The following CNTN1 variants were observed in gnomAD, a reference collection of about 807,000 sequenced individuals.
The protein encoded by CNTN1 is contactin 1, also known as contactin-1.
In CNTN1, 38 loss-of-function variants were observed where a neutral mutation model predicts 126.4. The observed-to-expected ratio is 0.30, with a 90% CI of 0.23 to 0.39. CNTN1 has a LOEUF of 0.39. Among genes scored for constraint, CNTN1 ranks in the 10% least tolerant of loss-of-function variants. The pLI is 1.00. For synonymous variants in CNTN1, 413 were observed against 422.6 expected, an observed-to-expected ratio of 0.98 and a Z score of 0.28; for missense variants, 1,009 against 1,248.4, an observed-to-expected ratio of 0.81 and a Z score of 2.89.
intron 17 of CNTN1, among the ~76,000 whole-genome samples, chr12:40,994,246 T>C (rs1948160088): frequency 6.6e-6 from 1 of 152,110 alleles, no homozygotes; most frequent in Non-Finnish European, 1.5e-5. Context: ...AAGTATCCTT[T>C]CTCTCTGACG....
Position 40,706,290 on chromosome 12 carries a change from G to T in CNTN1, c.-77+13698G>T, listed in dbSNP as rs190597110. ...CCTCCCCTGATGCTTTAACCAGAGA[G>T]AAATCTTTGCCTGTGTCTTCACTGT... On this transcript the variant is annotated intron_variant, in intron 1 of 23. Coordinates refer to ENST00000551295, the MANE Select transcript of CNTN1 (RefSeq NM_001843.4). Among the ~76,000 whole-genome samples, 151 of 120,650 alleles carry T rather than the reference G, an allele frequency of 1.3e-3. 1 individual carries two copies. The highest frequency in any genetic ancestry group is 4.6e-3 in the African/African-American group (138 of 29,960). The allele number at this position is 120,650 out of a possible 152,430, so 79.2% of individuals were successfully genotyped here.
intron 1 of CNTN1, among the ~76,000 whole-genome samples, chr12:40,904,611 C>T (rs907964722): frequency 1.3e-5 from 2 of 151,694 alleles, no homozygotes; most frequent in African/African-American, 2.4e-5. Flanking sequence ...TGTATTTTTA[C>T]TAGTGATAGG....
intron 14 of CNTN1, among the ~76,000 whole-genome samples, chr12:40,957,529 T>C (rs1946933807): frequency 6.6e-6 from 1 of 151,232 alleles, no homozygotes; most frequent in South Asian, 2.1e-4. Flanking sequence ...CTTCATGCTA[T>C]TTGGTTTTCT....
intron 1 of CNTN1, among the ~76,000 whole-genome samples, chr12:40,821,061 T>A (rs967166895): frequency 1.3e-4 from 20 of 152,176 alleles, no homozygotes; most frequent in African/African-American, 4.6e-4. Flanking sequence ...TCTCAGAAGC[T>A]CAAAAGTTCT....
intron 15 of CNTN1, among the ~76,000 whole-genome samples, chr12:40,967,096 G>A (rs1415274310): frequency 3.3e-5 from 5 of 151,984 alleles, no homozygotes; most frequent in African/African-American, 1.2e-4. Flanking sequence ...GAACCCAGGG[G>A]GCGGAGGTTG....
At chr12:40,935,649 T>C (rs1946054586) in intron 9 of CNTN1, among the ~76,000 whole-genome samples, 2 of 152,018 alleles carry the variant, frequency 1.3e-5, no homozygotes. Flanking sequence ...ATTGCTAAGA[T>C]TGTATACAAA....
chr12:40,988,645 C>T (rs1948025291), intron 16 of CNTN1, among the ~76,000 whole-genome samples: 1 of 152,106 alleles, frequency 6.6e-6, no homozygotes, highest in Admixed American at 6.6e-5. Flanking sequence ...GCCTTAGGGC[C>T]TCAAGGCATT....
rs765149060 is a variant in CNTN1 at position 40,933,789 on chromosome 12, A to G, written c.896A>G (p.Asn299Ser). ...STSGAVLKIF[N>S]IQLEDEGIYE... ...TCTGGGGCTGTTCTTAAGATCTTCA[A>G]TATTCAGCTAGAAGATGAAGGCATC... The change falls in exon 9 of 24, where the codon AAT (asparagine) becomes AGT (serine). Residue 299 changes from asparagine (N) to serine (S), a missense_variant. Coordinates refer to ENST00000551295, the MANE Select transcript of CNTN1 (RefSeq NM_001843.4). The G allele has an allele frequency of 1.9e-6, 3 of 1,612,738 alleles. No individual in the cohort carries two copies. Among genetic ancestry groups the G allele is most frequent in the South Asian group, 1.1e-5 (1 of 91,066 alleles).
intron 1 of CNTN1, among the ~76,000 whole-genome samples, chr12:40,826,412 A>T (rs1337695335): frequency 1.3e-5 from 2 of 152,194 alleles, no homozygotes; most frequent in Admixed American, 6.5e-5. Context: ...TAGCTTGGTG[A>T]CAATACCTGC....
chr12:40,744,213 T>C (rs908581086), intron 1 of CNTN1, among the ~76,000 whole-genome samples: 5 of 151,792 alleles, frequency 3.3e-5, no homozygotes, highest in African/African-American at 9.7e-5. Flanking sequence ...GATGGGTTGA[T>C]AGGTGCAGCA....
At chr12:40,891,359 A>G (rs1944233208) in intron 1 of CNTN1, among the ~76,000 whole-genome samples, 1 of 152,086 alleles carries the variant, frequency 6.6e-6, no homozygotes, top group African/African-American at 2.4e-5. Flanking sequence ...GGAATTTTAA[A>G]TTTTAATGAA....
chr12:41,059,613 G>A (rs915391742), intron 23 of CNTN1, among the ~76,000 whole-genome samples: 5 of 152,138 alleles, frequency 3.3e-5, no homozygotes, highest in African/African-American at 9.7e-5. Context: ...TCCCTAATCT[G>A]TAAATACAAA....
chr12:40,820,940 T>C (rs1356917009), intron 1 of CNTN1, among the ~76,000 whole-genome samples: 1 of 152,234 alleles, frequency 6.6e-6, no homozygotes, highest in Non-Finnish European at 1.5e-5. Flanking sequence ...CAAGGATGTT[T>C]TTCTTGCCTT....
intron 1 of CNTN1, among the ~76,000 whole-genome samples, chr12:40,726,446 C>T (rs1942352553): frequency 6.6e-6 from 1 of 152,134 alleles, no homozygotes; most frequent in South Asian, 2.1e-4. Flanking sequence ...GAGAAGCAGG[C>T]ACCTTCTTCA....
rs1327376837 is a variant in CNTN1, at chr12:40,959,254, A to G, written c.1804+20A>G. 1.2e-6 allele frequency: 2 copies of G among 1,611,564 alleles called. No homozygotes were observed. Among genetic ancestry groups the G allele is most frequent in the South Asian group, 2.2e-5 (2 of 91,048 alleles). On this transcript the variant is annotated intron_variant, in intron 15 of 23. Transcript: ENST00000551295. ...TGAGAGGTAAGAGTTTCAACATTTTAAAATTACAAAACCAAAAGTATTTGA... is the reference window on the plus strand; with the variant it reads ...TGAGAGGTAAGAGTTTCAACATTTTGAAATTACAAAACCAAAAGTATTTGA...
chr12:40,876,415 C>A (rs1943669433), intron 1 of CNTN1, among the ~76,000 whole-genome samples: 1 of 151,988 alleles, frequency 6.6e-6, no homozygotes, highest in Non-Finnish European at 1.5e-5. Flanking sequence ...ATATAGTGTT[C>A]CATTTAAACC....
intron 11 of CNTN1, among the ~76,000 whole-genome samples, chr12:40,939,114 A>C (rs1946177622): frequency 6.6e-6 from 1 of 152,192 alleles, no homozygotes; most frequent in African/African-American, 2.4e-5. Flanking sequence ...GTTATCATCA[A>C]GAATTGTACA....
chr12:40,977,128 C>T (rs1448445280), intron 15 of CNTN1, among the ~76,000 whole-genome samples: 1 of 152,068 alleles, frequency 6.6e-6, no homozygotes, highest in African/African-American at 2.4e-5. Flanking sequence ...ACATTGGTTC[C>T]ATCTGGGAAG....
chr12:40,782,351 A>G (rs1028010088), intron 1 of CNTN1, among the ~76,000 whole-genome samples: 3 of 152,020 alleles, frequency 2.0e-5, no homozygotes, highest in Admixed American at 6.6e-5. Flanking sequence ...TACTGATTTT[A>G]TAAATGTAAT....
Sources: allele counts gnomAD v4.1 joint callset (sites outside exome capture counted in the v4.1 genomes callset), GRCh38; gene constraint gnomAD v4.1.1; transcripts MANE v1.5; gene names NCBI Gene and HGNC (gene_info 2026-07-23, HGNC 2026-07-21).